SEPTIN12: variants seen among roughly 807,000 people sequenced by gnomAD.
The protein encoded by SEPTIN12 is septin-12.
A neutral mutation model predicts 37.7 loss-of-function variants in SEPTIN12; 42 were observed. The ratio of observed to expected loss-of-function variants is 1.11; its 90% CI spans 0.87 to 1.44. The LOEUF is 1.44. Ranked by LOEUF, SEPTIN12 falls within the 40% of genes most tolerant of loss-of-function variation. The pLI, the probability that SEPTIN12 is intolerant of heterozygous loss-of-function variation, is 0.00. For missense variants in SEPTIN12, 613 were observed against 479.2 expected (o/e 1.28, Z -2.61); for synonymous variants, 254 against 196.7 (o/e 1.29, Z -2.44).
upstream of SEPTIN12, among the ~76,000 whole-genome samples, chr16:4,789,220 C>T (rs2082509432): frequency 6.6e-6 from 1 of 152,210 alleles, no homozygotes; most frequent in African/African-American, 2.4e-5. Context: ...CCACATTGGT[C>T]AGGCTAGTCA....
upstream of SEPTIN12, among the ~76,000 whole-genome samples, chr16:4,791,281 T>C (rs541414482): frequency 2.7e-3 from 411 of 152,108 alleles, no homozygotes; most frequent in Non-Finnish European, 4.6e-3. Context: ...CCCGGTGGTG[T>C]TGACTGGCAA....
intron 7 of SEPTIN12, 87 bp downstream of exon 7, chr16:4,783,375 G>C (rs547601384): frequency 2.0e-6 from 2 of 1,006,086 alleles, no homozygotes; most frequent in Admixed American, 1.7e-5. Context: ...ACATTTCCCT[G>C]AGATGTAGAG....
At position 4,781,569 on chromosome 16, in the gene SEPTIN12, C is replaced by T. The variant is rs12924821; in HGVS notation, c.727-1783G>A. Among the ~76,000 whole-genome samples, 963 of 151,932 alleles carry T rather than the reference C, an allele frequency of 6.3e-3. 9 individuals carry two copies. The highest frequency in any genetic ancestry group is 0.011 in the Non-Finnish European group (748 of 68,004). ...ATAATACGTGACCTTTTGTGTCTGA[C>T]TGATTTTTGTCTGAGAAACATGTTT... On this transcript the variant is annotated intron_variant, in intron 7 of 9. Coordinates refer to ENST00000268231, the MANE Select transcript of SEPTIN12 (RefSeq NM_144605.5).
At position 4,779,729 on chromosome 16, in the gene SEPTIN12, A is replaced by G; in HGVS notation, c.784T>C (p.Cys262Arg). The G allele has an allele frequency of 1.9e-6, 3 of 1,613,454 alleles. No individual in the cohort carries two copies. Among genetic ancestry groups the G allele is most frequent in the Non-Finnish European group, 1.7e-6 (2 of 1,179,754 alleles). ...ADQEHLVNGR[C>R]VLGRKTKWGI... ...CACTTGGTCTTCCGGCCCAGGACAC[A>G]CCTCCCGTTCACCAGGTGCTCTTGG... Residue 262 changes from cysteine to arginine, a missense_variant, in exon 8 of 10, where the codon TGT (cysteine) becomes CGT (arginine). Coordinates refer to ENST00000268231, the MANE Select transcript of SEPTIN12 (RefSeq NM_144605.5).
chr16:4,790,662 C>A (rs2082537437), upstream of SEPTIN12, among the ~76,000 whole-genome samples: 1 of 152,142 alleles, frequency 6.6e-6, no homozygotes, highest in African/African-American at 2.4e-5. Context: ...GTGGCGGGCA[C>A]CTGTAGTCGC....
chr16:4,783,401 G>T, intron 7 of SEPTIN12, 61 bp downstream of exon 7: 3 of 1,211,916 alleles, frequency 2.5e-6, no homozygotes, highest in Non-Finnish European at 3.7e-6. Context: ...TGAGTCTTTG[G>T]ATGGAAAGGA....
upstream of SEPTIN12, among the ~76,000 whole-genome samples, chr16:4,791,330 T>C (rs1471366482): frequency 2.0e-5 from 3 of 152,004 alleles, no homozygotes; most frequent in East Asian, 1.9e-4. Flanking sequence ...GTGACTATGG[T>C]GGAAGAGGAC....
chr16:4,778,433 C>T (rs533951144), intron 8 of SEPTIN12, among the ~76,000 whole-genome samples: 2 of 152,268 alleles, frequency 1.3e-5, no homozygotes, highest in Non-Finnish European at 2.9e-5. Context: ...GAGCATCTGC[C>T]GATTTTGGTA....
At position 4,785,828 on chromosome 16, in the gene SEPTIN12, T is replaced by C. The variant is rs1596257054; in HGVS notation, c.353A>G (p.Asp118Gly). 6.2e-7 allele frequency: 1 copy of C among 1,608,722 alleles called. No individual in the cohort carries two copies. Among genetic ancestry groups the C allele is most frequent in the Non-Finnish European group, 8.5e-7 (1 of 1,178,172 alleles). ...CTACCAGTTGTCATTGTTGATCTGGTCCCCGAAGCCGGGCGTGTCCGTCAC... is the reference window on the plus strand; with the variant it reads ...CTACCAGTTGTCATTGTTGATCTGGCCCCCGAAGCCGGGCGTGTCCGTCAC... The part of the protein sequence containing the change: ...LTVTDTPGFG[D>G]QINNDNCWDP... The change falls in exon 4 of 10, where the codon GAC becomes GGC. Residue 118 changes from aspartate (D) to glycine (G), a missense_variant. Physicochemically the swap from Asp to Gly is moderately conservative, Grantham distance 94. Transcript: ENST00000268231.
In SEPTIN12 at chr16:4,777,956, G is replaced by C. The variant is rs757870707; in HGVS notation, c.918C>G (p.His306Gln). 6 of 1,610,808 alleles carry C rather than the reference G, an allele frequency of 3.7e-6. No homozygotes were observed. The highest frequency in any genetic ancestry group is 4.2e-6 in the Non-Finnish European group (5 of 1,178,730). ...QDLKDITHNI[H>Q]YENYRVIRLN... ...GTCTGATGACGCGGTAGTTCTCATA[G>C]TGGATGTTGTGGGTTATGTCCTTCA... Residue 306 changes from histidine (H) to glutamine (Q), a missense_variant, in exon 10 of 10, where the codon CAC becomes CAG. Physicochemically the swap from His to Gln is conservative, Grantham distance 24. Transcript: ENST00000268231.
intron 7 of SEPTIN12, among the ~76,000 whole-genome samples, chr16:4,782,169 C>T (rs13331955): frequency 0.066 from 9,952 of 151,800 alleles, 1,103 homozygotes; most frequent in African/African-American, 0.23. Flanking sequence ...AGGCTGGTCT[C>T]GAACCCCTGG....
chr16:4,782,841 G>C (rs748525295), intron 7 of SEPTIN12, among the ~76,000 whole-genome samples: 1 of 151,680 alleles, frequency 6.6e-6, no homozygotes, highest in East Asian at 1.9e-4. Flanking sequence ...CTGACCTCAG[G>C]TGATCCACCC....
intron 7 of SEPTIN12, among the ~76,000 whole-genome samples, chr16:4,780,144 C>T (rs1202073158): frequency 2.0e-5 from 3 of 152,076 alleles, no homozygotes; most frequent in African/African-American, 7.2e-5. Context: ...ATAGCTCACA[C>T]CTATAATCCC....
chr16:4,787,431 C>T (rs759761420), intron 2 of SEPTIN12, 49 bp downstream of exon 2: 4 of 1,573,418 alleles, frequency 2.5e-6, no homozygotes, highest in Non-Finnish European at 3.5e-6. Flanking sequence ...CGCCCAGGCA[C>T]GCGTAGCACT....
intron 2 of SEPTIN12, among the ~76,000 whole-genome samples, 187 bp downstream of exon 2, chr16:4,787,293 G>A (rs572643025): frequency 6.6e-6 from 1 of 152,128 alleles, no homozygotes; most frequent in Non-Finnish European, 1.5e-5. Context: ...CACCGCTCCA[G>A]GCACATTTTT....
At chr16:4,778,807 T>A (rs187623567) in intron 8 of SEPTIN12, among the ~76,000 whole-genome samples, 3,116 of 149,232 alleles carry the variant, frequency 0.021, 49 homozygotes, top group South Asian at 0.038. Flanking sequence ...CTCAAAAAAA[T>A]ATATATATAT....
At chr16:4,784,807 AAAT>A (rs1213658621) in intron 4 of SEPTIN12, among the ~76,000 whole-genome samples, 1 of 144,000 alleles carries the variant, frequency 6.9e-6, no homozygotes. Flanking sequence ...ATAAATAAAT[AAAT>A]AAATAAAATG....
At chr16:4,782,896 C>A (rs1468523791) in intron 7 of SEPTIN12, among the ~76,000 whole-genome samples, 1 of 149,466 alleles carries the variant, frequency 6.7e-6, no homozygotes, top group East Asian at 2.0e-4. Context: ...TGAGCCACTG[C>A]GCCCGGCCAA....
chr16:4,784,236 G>C (rs367847121), intron 4 of SEPTIN12, 168 bp from the exon 5 acceptor site: 5 of 669,944 alleles, frequency 7.5e-6, no homozygotes, highest in African/African-American at 3.6e-5. Context: ...TGCATCATCA[G>C]AGACACACAG....
Sources: allele counts gnomAD v4.1 joint callset (sites outside exome capture counted in the v4.1 genomes callset), GRCh38; gene constraint gnomAD v4.1.1; transcripts MANE v1.5; gene names NCBI Gene and HGNC (gene_info 2026-07-23, HGNC 2026-07-21).